The following ADGRB1 variants were observed in gnomAD, a reference collection of about 807,000 sequenced individuals.
The protein encoded by ADGRB1 is adhesion G protein-coupled receptor B1.
A neutral mutation model predicts 175.7 loss-of-function variants in ADGRB1; 36 were observed. That is an observed-to-expected ratio of 0.20 (90% CI 0.16 to 0.27). ADGRB1 has a LOEUF of 0.27. ADGRB1 is among the 10% of genes least tolerant of loss of function. ADGRB1 has a pLI of 1.00. For synonymous variants in ADGRB1, 1,054 were observed against 979.4 expected (o/e 1.08, Z -1.42); for missense variants, 1,731 against 2,255.3 (o/e 0.77, Z 4.71).
intron 13 of ADGRB1, 58 bp from the exon 14 acceptor site, chr8:142,488,306 C>G (rs910769361): frequency 1.3e-6 from 2 of 1,599,912 alleles, no homozygotes; most frequent in African/African-American, 2.7e-5. Context: ...GCTGAGGCCC[C>G]GCCACATCTG....
chr8:142,489,254 C>T (rs1841866980), intron 15 of ADGRB1, 82 bp from the exon 16 acceptor site: 4 of 1,566,486 alleles, frequency 2.6e-6, no homozygotes, highest in African/African-American at 1.4e-5. Context: ...GGTACAGGGG[C>T]CCTCGGGGGC....
chr8:142,473,646 T>C (rs1425405618), intron 2 of ADGRB1, among the ~76,000 whole-genome samples: 1 of 152,212 alleles, frequency 6.6e-6, no homozygotes, highest in African/African-American at 2.4e-5. Flanking sequence ...AGGAGGCAGC[T>C]CAACTGCTGT....
chr8:142,544,378 G>C lies in ADGRB1; in HGVS notation c.4716G>C (p.Leu1572=). ...EWERSGATIP[L]VGQDIIDLQT... ...AGAGGTCGGGCGCCACGATCCCGCT[G>C]GTGGGCCAGGACATCATCGACCTCC... The change falls in exon 31 of 31, where the codon CTG becomes CTC. Residue 1572 remains leucine, a synonymous_variant. Coordinates refer to ENST00000517894, the MANE Select transcript of ADGRB1 (RefSeq NM_001702.3). 1 of 1,528,962 alleles carries C rather than the reference G, an allele frequency of 6.5e-7. No individual in the cohort carries two copies. The highest frequency in any genetic ancestry group is 8.8e-7 in the Non-Finnish European group (1 of 1,135,972). The allele number at this position is 1,528,962 out of a possible 1,614,324, so 94.7% of individuals were successfully genotyped here.
intron 19 of ADGRB1, among the ~76,000 whole-genome samples, chr8:142,520,519 G>A (rs377554848): frequency 6.8e-5 from 3 of 43,864 alleles, no homozygotes; most frequent in African/African-American, 7.3e-5. Context: ...TGTAGTGGTG[G>A]TGGTGATGGT....
chr8:142,522,263 G>A (rs867272622), intron 21 of ADGRB1, 148 bp downstream of exon 21: 23 of 1,143,402 alleles, frequency 2.0e-5, no homozygotes, highest in Admixed American at 2.8e-5. Flanking sequence ...CTGGGCCCTC[G>A]TTCTTCCATG....
Position 142,504,368 on chromosome 8 carries a change from T to C in ADGRB1, c.2676-6564T>C, listed in dbSNP as rs1284595032. On this transcript the variant is annotated intron_variant, in intron 17 of 30. Coordinates refer to ENST00000517894, the MANE Select transcript of ADGRB1 (RefSeq NM_001702.3). This position sits in a 1 kb window ranked among gnomAD's most constrained non-coding sequence, Gnocchi z 5.6. Reference sequence around the variant, plus strand: ...CAGGGCCTGGAGGCAGCAGAGGGCGTGTGTTTGCTGGGTTACCTGCTGGGC... The same window carrying C: ...CAGGGCCTGGAGGCAGCAGAGGGCGCGTGTTTGCTGGGTTACCTGCTGGGC... 1.3e-5 allele frequency among the ~76,000 whole-genome samples: 2 copies of C among 152,060 alleles called. No individual in the cohort carries two copies. The highest frequency in any genetic ancestry group is 2.9e-5 in the Non-Finnish European group (2 of 67,990).
chr8:142,486,491 C>T (rs371873922), intron 13 of ADGRB1, among the ~76,000 whole-genome samples: 53 of 152,314 alleles, frequency 3.5e-4, no homozygotes, highest in African/African-American at 1.2e-3. Context: ...GCTTGGCACT[C>T]CCGAGGTGTC....
Position 142,526,319 on chromosome 8 carries a change from G to A in ADGRB1, c.3313-223G>A, listed in dbSNP as rs1044246218. Among the ~76,000 whole-genome samples the A allele has an allele frequency of 3.3e-5, 5 of 152,196 alleles. No homozygotes were observed. In the South Asian group the frequency reaches 6.2e-4, roughly 19 times the overall value. Reference sequence around the variant, plus strand: ...AAGGAGTTGCAGCAGAGGTGCCGACGGTGCGGGTGACACACAGAGAGGGCC... The same window carrying A: ...AAGGAGTTGCAGCAGAGGTGCCGACAGTGCGGGTGACACACAGAGAGGGCC... On this transcript the variant is annotated intron_variant, in intron 23 of 30. Coordinates refer to ENST00000517894, the MANE Select transcript of ADGRB1 (RefSeq NM_001702.3).
At chr8:142,466,861 C>G (rs1214067952) in intron 2 of ADGRB1, among the ~76,000 whole-genome samples, 1 of 152,198 alleles carries the variant, frequency 6.6e-6, no homozygotes, top group East Asian at 1.9e-4. Flanking sequence ...GTCACTTCAC[C>G]CCTCAGAGCC....
chr8:142,520,964 C>T (rs1563736730), intron 20 of ADGRB1, 39 bp downstream of exon 20: 2 of 1,567,498 alleles, frequency 1.3e-6, no homozygotes, highest in East Asian at 2.2e-5. Flanking sequence ...TTCCCAACAT[C>T]CTCGGGTGGT....
At position 142,463,964 on chromosome 8, in the gene ADGRB1, G is replaced by A. The variant is rs1295569023; in HGVS notation, c.-219-16G>A. The A allele has an allele frequency of 2.8e-6, 1 of 357,568 alleles. No individual in the cohort carries two copies. 22.1% of individuals were successfully genotyped at this position (357,568 alleles called of 1,614,324 possible). On this transcript the variant is annotated splice_polypyrimidine_tract_variant and intron_variant, in intron 1 of 30. Transcript: ENST00000517894. ...CCCCAAGTGCTCACTCTGACCCTCT[G>A]CTCTTTCTCTTCCAGCTGCTGCTGG...
intron 13 of ADGRB1, among the ~76,000 whole-genome samples, chr8:142,486,718 C>G (rs554799050): frequency 5.9e-5 from 9 of 152,184 alleles, no homozygotes; most frequent in Admixed American, 5.9e-4. Context: ...TAGCATTAAC[C>G]TTTTAAATTA....
At chr8:142,517,324 G>A (rs896795353) in intron 18 of ADGRB1, among the ~76,000 whole-genome samples, 3 of 152,166 alleles carry the variant, frequency 2.0e-5, no homozygotes, top group Non-Finnish European at 4.4e-5. Flanking sequence ...TGGTGAGGAG[G>A]AAGGGCCCAC....
chr8:142,534,603 G>T (rs569156239), intron 25 of ADGRB1, among the ~76,000 whole-genome samples: 10 of 152,318 alleles, frequency 6.6e-5, no homozygotes, highest in African/African-American at 2.2e-4. Context: ...ATGTCCAGCA[G>T]CGAAACGGCT....
At chr8:142,459,542 C>G (rs1174947591) in intron 1 of ADGRB1, among the ~76,000 whole-genome samples, 3 of 152,168 alleles carry the variant, frequency 2.0e-5, no homozygotes, top group African/African-American at 7.2e-5. Flanking sequence ...TCTCCCAGCC[C>G]CGTCTCTGTC....
chr8:142,474,073 G>T lies in ADGRB1; in HGVS notation c.785-1401G>T, dbSNP rs1373407063. ...CAGCCATTATCCTCATGTTGTAAAT[G>T]ATGGGAGTGAGGCCAGTGGGTGGTG... On this transcript the variant is annotated intron_variant, in intron 2 of 30. Coordinates refer to ENST00000517894, the MANE Select transcript of ADGRB1 (RefSeq NM_001702.3). The surrounding 1 kb of genome is among the most constrained non-coding windows in gnomAD (Gnocchi z 5.8). 6.6e-6 allele frequency among the ~76,000 whole-genome samples: 1 copy of T among 152,200 alleles called. No homozygotes were observed. Among genetic ancestry groups the T allele is most frequent in the Non-Finnish European group, 1.5e-5 (1 of 68,030 alleles).
intron 17 of ADGRB1, among the ~76,000 whole-genome samples, chr8:142,502,560 G>T (rs114198087): frequency 0.01 from 895 of 86,580 alleles, 25 homozygotes; most frequent in African/African-American, 0.039. Flanking sequence ...GGTGGTGGTG[G>T]TGGTGATAGG....
Position 142,464,391 on chromosome 8 carries a change from G to T in ADGRB1, c.193G>T (p.Ala65Ser), listed in dbSNP as rs765263264. ...FSAAAVFPAN[A>S]SRCSWTLRNP... ...CGCGGCCGCCGTGTTCCCGGCCAAC[G>T]CCTCGCGCTGCTCCTGGACGCTACG... The change falls in exon 2 of 31, where the codon GCC (alanine) becomes TCC (serine). Residue 65 changes from alanine to serine, a missense_variant. By Grantham distance (99) the Ala-to-Ser change is moderately conservative. Around this residue, in one of 8 missense-constraint regions of ADGRB1, gnomAD observed 383 missense variants for 383.1 expected, o/e 1.00. Transcript: ENST00000517894. The T allele has an allele frequency of 1.3e-6, 2 of 1,527,692 alleles. No individual in the cohort carries two copies. The highest frequency in any genetic ancestry group is 8.8e-7 in the Non-Finnish European group (1 of 1,141,122). 94.6% of individuals were successfully genotyped at this position (1,527,692 alleles called of 1,614,324 possible).
At position 142,492,958 on chromosome 8, in the gene ADGRB1, G is replaced by T. The variant is rs1349565969; in HGVS notation, c.2675+2143G>T. On this transcript the variant is annotated intron_variant, in intron 17 of 30. Transcript: ENST00000517894. The surrounding 1 kb of genome is among the most constrained non-coding windows in gnomAD (Gnocchi z 4.4). Reference sequence around the variant, plus strand: ...GCCGCGGCAGCTCTCGGGGGGCTGCGCCCTGGTTCACTCAACCAGCCCCTG... The same window carrying T: ...GCCGCGGCAGCTCTCGGGGGGCTGCTCCCTGGTTCACTCAACCAGCCCCTG... Among the ~76,000 whole-genome samples, 1 of 152,040 alleles carries T rather than the reference G, an allele frequency of 6.6e-6. No homozygotes were observed. The highest frequency in any genetic ancestry group is 1.5e-5 in the Non-Finnish European group (1 of 67,982).
Sources: allele counts gnomAD v4.1 joint callset (sites outside exome capture counted in the v4.1 genomes callset), GRCh38; gene constraint gnomAD v4.1.1; regional missense constraint gnomAD v4.1.1; non-coding constraint Gnocchi (gnomAD v3.1); transcripts MANE v1.5; gene names NCBI Gene and HGNC (gene_info 2026-07-23, HGNC 2026-07-21).